GNA12: variants seen among roughly 807,000 people sequenced by gnomAD.
The protein encoded by GNA12 is guanine nucleotide-binding protein subunit alpha-12.
Under a neutral mutation model 26.0 loss-of-function variants are expected in GNA12, and 9 were observed. The observed-to-expected ratio is 0.35, with a 90% CI of 0.21 to 0.60. The LOEUF is 0.60. GNA12 is among the 20% of genes least tolerant of loss of function. The pLI is 0.78. For synonymous variants in GNA12, 264 were observed against 219.6 expected (o/e 1.20, Z -1.79); for missense variants, 405 against 525.8 (o/e 0.77, Z 2.25).
At chr7:2,769,879 A>ATTTT (rs1252314226) in intron 2 of GNA12, among the ~76,000 whole-genome samples, 1 of 152,176 alleles carries the variant, frequency 6.6e-6, no homozygotes, top group Non-Finnish European at 1.5e-5. Flanking sequence ...TATCAATTGA[A>ATTTT]TTTTTTTCTG....
intron 2 of GNA12, among the ~76,000 whole-genome samples, chr7:2,734,359 G>A (rs1771561828): frequency 6.6e-6 from 1 of 152,194 alleles, no homozygotes; most frequent in African/African-American, 2.4e-5. Flanking sequence ...TTTGAACCCT[G>A]CTCTAAAGAC....
At chr7:2,784,864 T>G (rs2115441214) in intron 2 of GNA12, among the ~76,000 whole-genome samples, 1 of 152,336 alleles carries the variant, frequency 6.6e-6, no homozygotes, top group East Asian at 1.9e-4. Flanking sequence ...TTAAAAACGT[T>G]TATGTATTCA....
rs950949605 is a variant in GNA12, at chr7:2,807,941, C to T, written c.310-12798G>A. 7.2e-5 allele frequency among the ~76,000 whole-genome samples: 11 copies of T among 152,114 alleles called. No individual in the cohort carries two copies. In the East Asian group the frequency reaches 7.7e-4, roughly 11 times the overall value. On this transcript the variant is annotated intron_variant, in intron 1 of 3. Transcript: ENST00000275364. ...TTCGCGCAGAAACCGCTCTGTGCCC[C>T]GTGGAGGAGCTACGATGAATTATTA...
chr7:2,796,085 C>G (rs570326852), intron 1 of GNA12, among the ~76,000 whole-genome samples: 1 of 151,898 alleles, frequency 6.6e-6, no homozygotes, highest in Admixed American at 6.6e-5. Flanking sequence ...AGCCTGGTCT[C>G]GAACTCCTGA....
At chr7:2,815,561 G>C (rs901108752) in intron 1 of GNA12, among the ~76,000 whole-genome samples, 2 of 152,204 alleles carry the variant, frequency 1.3e-5, no homozygotes, top group Admixed American at 6.5e-5. Flanking sequence ...GGACCACCCT[G>C]ATAGCACAGA....
At chr7:2,760,162 C>T (rs561078438) in intron 2 of GNA12, among the ~76,000 whole-genome samples, 2 of 152,262 alleles carry the variant, frequency 1.3e-5, no homozygotes, top group African/African-American at 4.8e-5. Flanking sequence ...GCTTTCTTCC[C>T]ATCGCCCGCC....
chr7:2,787,793 CAAG>C (rs1177969986), intron 2 of GNA12, among the ~76,000 whole-genome samples: 3 of 152,226 alleles, frequency 2.0e-5, no homozygotes, highest in African/African-American at 7.2e-5. Context: ...TGCTAAACCA[CAAG>C]AAGGCAGAAA....
chr7:2,781,426 G>GTGTGTT (rs1013507556), intron 2 of GNA12, among the ~76,000 whole-genome samples: 5 of 149,516 alleles, frequency 3.3e-5, no homozygotes, highest in African/African-American at 1.2e-4. Context: ...GTGTGTGTGT[G>GTGTGTT]TGTGTGTGTG....
intron 2 of GNA12, among the ~76,000 whole-genome samples, chr7:2,733,845 A>T (rs574284280): frequency 1.3e-5 from 2 of 152,282 alleles, no homozygotes; most frequent in South Asian, 4.1e-4. Context: ...GCGGCCAGCA[A>T]AGGACAGGCT....
chr7:2,792,186 AG>A (rs1792537413), intron 2 of GNA12, among the ~76,000 whole-genome samples: 2 of 152,196 alleles, frequency 1.3e-5, no homozygotes. Context: ...CTATATCCCC[AG>A]CATGTAGCAC....
Position 2,844,220 on chromosome 7 carries a change from G to T in GNA12, c.-59C>A. On this transcript the variant is annotated 5_prime_UTR_variant, in exon 1 of 4. Coordinates refer to ENST00000275364, the MANE Select transcript of GNA12 (RefSeq NM_007353.3). ...CCCGGGGGCCATGGACGCTCCCGCC[G>T]GCGAGGGCGAGCCCGGGCCGAGGCA... is the stretch of plus-strand genomic sequence containing the variant. The T allele has an allele frequency of 1.2e-6, 1 of 855,840 alleles. No homozygotes were observed. The highest frequency in any genetic ancestry group is 5.1e-5 in the South Asian group (1 of 19,756). 53.0% of individuals were successfully genotyped at this position (855,840 alleles called of 1,614,324 possible).
intron 2 of GNA12, among the ~76,000 whole-genome samples, chr7:2,771,550 A>T (rs2077398074): frequency 6.6e-6 from 1 of 152,138 alleles, no homozygotes; most frequent in Non-Finnish European, 1.5e-5. Context: ...GTCAGATCTT[A>T]GAGGACACTC....
intron 2 of GNA12, among the ~76,000 whole-genome samples, chr7:2,736,289 C>T (rs897147969): frequency 3.9e-4 from 60 of 152,274 alleles, no homozygotes; most frequent in Non-Finnish European, 1.2e-4. Flanking sequence ...TCTAGAAACA[C>T]GAGTGGATCC....
Position 2,730,884 on chromosome 7 carries a change from A to C in GNA12, c.*297T>G. On this transcript the variant is annotated 3_prime_UTR_variant, in exon 4 of 4. Transcript: ENST00000275364. ...AATTAAACTGCGTCAGAAAAAGAGGAACGTTTCTGTAAAAGCAAAGCAAGC... is the reference window on the plus strand; with the variant it reads ...AATTAAACTGCGTCAGAAAAAGAGGCACGTTTCTGTAAAAGCAAAGCAAGC... The C allele has an allele frequency of 2.8e-6, 1 of 358,636 alleles. No individual in the cohort carries two copies. The highest frequency in any genetic ancestry group is 5.2e-6 in the Non-Finnish European group (1 of 192,206). 22.2% of individuals were successfully genotyped at this position (358,636 alleles called of 1,614,324 possible).
At chr7:2,786,193 C>G (rs1792357343) in intron 2 of GNA12, among the ~76,000 whole-genome samples, 1 of 152,226 alleles carries the variant, frequency 6.6e-6, no homozygotes, top group Non-Finnish European at 1.5e-5. Flanking sequence ...TCACCAATGC[C>G]AGTCTCCTGG....
intron 2 of GNA12, among the ~76,000 whole-genome samples, chr7:2,739,495 AT>A (rs34284729): frequency 0.58 from 88,106 of 152,002 alleles, 25,767 homozygotes; most frequent in Admixed American, 0.63. Flanking sequence ...ATATATGTAT[AT>A]TACATGCCAT....
At chr7:2,742,164 G>T (rs550768062) in intron 2 of GNA12, among the ~76,000 whole-genome samples, 2 of 152,126 alleles carry the variant, frequency 1.3e-5, no homozygotes, top group African/African-American at 4.8e-5. Context: ...TGGGATTACA[G>T]AGGTGCACCA....
chr7:2,743,514 C>T (rs1790609712), intron 2 of GNA12, among the ~76,000 whole-genome samples: 1 of 152,156 alleles, frequency 6.6e-6, no homozygotes, highest in South Asian at 2.1e-4. Flanking sequence ...TAAAAATGCT[C>T]ATGTTGAATA....
At chr7:2,733,530 C>T (rs767410061) in intron 2 of GNA12, 29 bp from the exon 3 acceptor site, 7 of 1,585,762 alleles carry the variant, frequency 4.4e-6, no homozygotes, top group Middle Eastern at 3.3e-4. Context: ...ATTCACAGCT[C>T]AGTCTGGACT....
Sources: gnomAD v4.1 joint callset for allele counts (sites outside exome capture counted in the v4.1 genomes callset) on GRCh38, gnomAD v4.1.1 for gene constraint, MANE v1.5 for transcripts, NCBI Gene and HGNC (gene_info 2026-07-23, HGNC 2026-07-21) for gene names.